KDM2A: variants seen among roughly 807,000 people sequenced by gnomAD.
KDM2A encodes the protein lysine-specific demethylase 2A.
A neutral mutation model predicts 137.3 loss-of-function variants in KDM2A; 3 were observed. That is an observed-to-expected ratio of 0.02 (90% CI 0.01 to 0.06). The LOEUF is 0.06. Ranked by LOEUF, KDM2A falls within the 10% of genes least tolerant of loss-of-function variation. The probability of loss-of-function intolerance (pLI) is 1.00; values close to 1 mark genes in which losing one functional copy is unlikely to be tolerated. For missense variants in KDM2A, 738 were observed against 1,510.6 expected (o/e 0.49, Z 8.48); for synonymous variants, 512 against 541.5 (o/e 0.95, Z 0.76).
intron 2 of KDM2A, among the ~76,000 whole-genome samples, chr11:67,153,067 G>A (rs371237562): frequency 1.3e-5 from 2 of 151,514 alleles, no homozygotes; most frequent in East Asian, 1.9e-4. Flanking sequence ...TCACTGCAAC[G>A]TCTGCCTCCT....
chr11:67,119,406 C>G lies in KDM2A; in HGVS notation c.-727C>G, dbSNP rs1414081064. The G allele has an allele frequency of 6.3e-6, 1 of 158,412 alleles. No homozygotes were observed. Among genetic ancestry groups the G allele is most frequent in the Non-Finnish European group, 1.4e-5 (1 of 72,472 alleles). 9.8% of individuals were successfully genotyped at this position (158,412 alleles called of 1,614,324 possible). ...CCCAGCGGCTGGGCCCGTGGCCGCT[C>G]TGTCTTTCCTGGGCAGGGGACGCTC... On this transcript the variant is annotated 5_prime_UTR_variant, in exon 1 of 21. Coordinates refer to ENST00000529006, the MANE Select transcript of KDM2A (RefSeq NM_012308.3).
chr11:67,126,304 G>A (rs894357615), intron 2 of KDM2A, among the ~76,000 whole-genome samples: 1 of 151,790 alleles, frequency 6.6e-6, no homozygotes, highest in Non-Finnish European at 1.5e-5. Flanking sequence ...GCCAGTTATG[G>A]TGACTCACAC....
chr11:67,172,099 T>C (rs894469896), intron 2 of KDM2A, among the ~76,000 whole-genome samples: 33 of 152,162 alleles, frequency 2.2e-4, no homozygotes, highest in African/African-American at 8.0e-4. Context: ...AAGCCATCCT[T>C]CTACCTCAGC....
rs766760258 is a variant in KDM2A at position 67,250,647 on chromosome 11, G to A, written c.2617G>A (p.Gly873Arg). 2.5e-6 allele frequency: 4 copies of A among 1,610,020 alleles called. No homozygotes were observed. Among genetic ancestry groups the A allele is most frequent in the Admixed American group, 1.7e-5 (1 of 59,840 alleles). The stretch of plus-strand genomic sequence containing the variant: ...GGAGGAAGATGACAGTGCAGAGGAG[G>A]GGGGTGCAGCCAGGCTGAATGGCCG... ...EEEEDDSAEE[G>R]GAARLNGRGS... Residue 873 changes from glycine to arginine, a missense_variant, in exon 17 of 21, where the codon GGG (glycine) becomes AGG (arginine). Transcript: ENST00000529006. This position sits in a 1 kb window ranked among gnomAD's most constrained non-coding sequence, Gnocchi z 7.1.
chr11:67,121,113 A>C, intron 1 of KDM2A, 121 bp from the exon 2 acceptor site: 3 of 577,046 alleles, frequency 5.2e-6, no homozygotes, highest in Non-Finnish European at 9.3e-6. Flanking sequence ...TCCCAAACTC[A>C]TGAAGAGGAA....
intron 2 of KDM2A, among the ~76,000 whole-genome samples, chr11:67,152,638 C>T (rs1343923286): frequency 6.6e-6 from 1 of 151,714 alleles, no homozygotes; most frequent in Non-Finnish European, 1.5e-5. Context: ...AAATTGGCTA[C>T]CGGAAAAATT....
intron 2 of KDM2A, chr11:67,143,310 CTGTT>C (rs1446489201): frequency 4.6e-5 from 7 of 152,150 alleles, no homozygotes; most frequent in African/African-American, 1.7e-4. Flanking sequence ...TCTGGCCTGT[CTGTT>C]CATTTCATAA....
chr11:67,119,423 G>A lies in KDM2A; in HGVS notation c.-710G>A, dbSNP rs1478415086. ...TGGCCGCTCTGTCTTTCCTGGGCAG[G>A]GGACGCTCCGGGAGGAGGGGCAACG... On this transcript the variant is annotated 5_prime_UTR_variant, in exon 1 of 21. Transcript: ENST00000529006. The A allele has an allele frequency of 6.5e-6, 1 of 154,014 alleles. No homozygotes were observed. Among genetic ancestry groups the A allele is most frequent in the Admixed American group, 6.5e-5 (1 of 15,292 alleles). 9.5% of individuals were successfully genotyped at this position (154,014 alleles called of 1,614,324 possible).
chr11:67,240,205 C>T, intron 12 of KDM2A: 1 of 1,534,684 alleles, frequency 6.5e-7, no homozygotes, highest in Non-Finnish European at 8.7e-7. Context: ...ACTGCCCTGC[C>T]CTATGTGCTC....
At position 67,210,349 on chromosome 11, in the gene KDM2A, C is replaced by A. The variant is rs535144543; in HGVS notation, c.486+2661C>A. Among the ~76,000 whole-genome samples, 91 of 150,648 alleles carry A rather than the reference C, an allele frequency of 6.0e-4. 2 individuals carry two copies. The highest frequency in any genetic ancestry group is 2.1e-3 in the African/African-American group (86 of 41,090). ...TTGTTTCTACTTTTGAAAAAAAAAA[C>A]AAAAAACAAAAACTAAGCAGCAACA... On this transcript the variant is annotated intron_variant, in intron 6 of 20. Transcript: ENST00000529006.
intron 2 of KDM2A, among the ~76,000 whole-genome samples, chr11:67,142,898 A>G (rs1856146662): frequency 6.6e-6 from 1 of 151,962 alleles, no homozygotes; most frequent in Non-Finnish European, 1.5e-5. Context: ...AGCTTCAACA[A>G]TTATCAAAAC....
intron 2 of KDM2A, among the ~76,000 whole-genome samples, chr11:67,135,276 C>T (rs906851544): frequency 6.6e-6 from 1 of 152,084 alleles, no homozygotes; most frequent in Non-Finnish European, 1.5e-5. Flanking sequence ...GCATGTTGGT[C>T]AGGATGGTCT....
chr11:67,249,942 G>C (rs1028388716), intron 16 of KDM2A, 144 bp from the exon 17 acceptor site: 101 of 674,820 alleles, frequency 1.5e-4, no homozygotes, highest in Non-Finnish European at 4.6e-5. Context: ...GACCAGCCTG[G>C]GCCGACTCTG....
At position 67,219,273 on chromosome 11, in the gene KDM2A, T is replaced by A. The variant is rs745401176; in HGVS notation, c.842-15T>A. ...GTGTGTTTTCAGCCACTGCCCTCTG[T>A]TCCCCTTCTCCTAGGCTGGATTCAT... is the stretch of plus-strand genomic sequence containing the variant. On this transcript the variant is annotated splice_polypyrimidine_tract_variant and intron_variant, in intron 9 of 20. Transcript: ENST00000529006. 1 of 1,448,372 alleles carries A rather than the reference T, an allele frequency of 6.9e-7. No homozygotes were observed. Among genetic ancestry groups the A allele is most frequent in the East Asian group, 2.5e-5 (1 of 40,808 alleles). The allele number at this position is 1,448,372 out of a possible 1,614,324, so 89.7% of individuals were successfully genotyped here. A position where few individuals can be genotyped will look rare whatever the true frequency, so the allele number is the denominator to read the frequency against.
chr11:67,124,205 T>C (rs566280304), intron 2 of KDM2A, among the ~76,000 whole-genome samples: 9 of 152,222 alleles, frequency 5.9e-5, no homozygotes, highest in African/African-American at 2.2e-4. Context: ...AGTTTCACCA[T>C]GTTGGCCAGG....
chr11:67,132,655 T>C (rs1855880177), intron 2 of KDM2A, among the ~76,000 whole-genome samples: 2 of 152,166 alleles, frequency 1.3e-5, no homozygotes, highest in Non-Finnish European at 2.9e-5. Context: ...CAGTTTCAGG[T>C]CGGGGTGGTC....
intron 2 of KDM2A, among the ~76,000 whole-genome samples, chr11:67,134,355 G>A (rs988675506): frequency 6.6e-6 from 1 of 152,164 alleles, no homozygotes; most frequent in Non-Finnish European, 1.5e-5. Flanking sequence ...GCACAGGACA[G>A]CCCTAACTAC....
At chr11:67,243,628 A>G (rs985908595) in intron 13 of KDM2A, 1 of 152,434 alleles carries the variant, frequency 6.6e-6, no homozygotes, top group Admixed American at 6.5e-5. Flanking sequence ...AGCCTGGCCA[A>G]CATGGTGAAA....
intron 16 of KDM2A, chr11:67,248,726 C>T (rs1859322343): frequency 4.9e-6 from 1 of 204,758 alleles, no homozygotes; most frequent in Non-Finnish European, 1.0e-5. Flanking sequence ...AGGCAGTGGC[C>T]TGAGGCAGCC....
Sources: gnomAD v4.1 joint callset for allele counts (sites outside exome capture counted in the v4.1 genomes callset) on GRCh38, gnomAD v4.1.1 for gene constraint, Gnocchi (gnomAD v3.1) non-coding constraint, MANE v1.5 for transcripts, NCBI Gene and HGNC (gene_info 2026-07-23, HGNC 2026-07-21) for gene names.